Variants in PSD3 observed in about 807,000 individuals in gnomAD.
PSD3 encodes the protein PH and SEC7 domain-containing protein 3.
A neutral mutation model predicts 105.5 loss-of-function variants in PSD3; 49 were observed. That is an observed-to-expected ratio of 0.46 (90% CI 0.37 to 0.59). PSD3 has a LOEUF of 0.59. PSD3 is among the 20% of genes least tolerant of loss of function. The pLI is 0.00. For missense variants in PSD3, 1,561 were observed against 1,263.8 expected (o/e 1.24, Z -3.57); for synonymous variants, 557 against 457.8 (o/e 1.22, Z -2.77).
intron 9 of PSD3, among the ~76,000 whole-genome samples, chr8:18,754,266 C>G (rs1805842396): frequency 6.6e-6 from 1 of 151,902 alleles, no homozygotes; most frequent in Non-Finnish European, 1.5e-5. Flanking sequence ...TGCCTGTAAT[C>G]CCAACTACTC....
Position 18,527,469 on chromosome 8 carries a change from A to G in PSD3, c.*8274T>C, listed in dbSNP as rs1799470852. The G allele has an allele frequency of 6.6e-6, 1 of 152,624 alleles. No individual in the cohort carries two copies. Among genetic ancestry groups the G allele is most frequent in the Non-Finnish European group, 1.5e-5 (1 of 68,042 alleles). 9.5% of individuals were successfully genotyped at this position (152,624 alleles called of 1,614,324 possible). On this transcript the variant is annotated 3_prime_UTR_variant, in exon 16 of 16. Transcript: ENST00000327040. Reference sequence around the variant, plus strand: ...ACAACAAAATATCCCCAACTTATAAAAACACAGGAACAATTATATTCATAA... The same window carrying G: ...ACAACAAAATATCCCCAACTTATAAGAACACAGGAACAATTATATTCATAA...
chr8:18,934,719 G>C (rs530377382), intron 2 of PSD3, among the ~76,000 whole-genome samples: 1 of 152,258 alleles, frequency 6.6e-6, no homozygotes, highest in South Asian at 2.1e-4. Context: ...AAGTTGGATA[G>C]CTTTGCAAGG....
intron 12 of PSD3, among the ~76,000 whole-genome samples, chr8:18,584,327 A>G (rs1481419745): frequency 6.6e-6 from 1 of 152,198 alleles, no homozygotes; most frequent in African/African-American, 2.4e-5. Context: ...AGCTGGGTGA[A>G]GTCATAACAG....
chr8:18,799,642 C>T (rs1810509591), intron 7 of PSD3, among the ~76,000 whole-genome samples: 1 of 152,162 alleles, frequency 6.6e-6, no homozygotes, highest in African/African-American at 2.4e-5. Context: ...AAATCGGCTT[C>T]TAGGGCTTTG....
In PSD3 at chr8:18,808,939, C is replaced by T. The variant is rs867390479; in HGVS notation, c.1635-4041G>A. ...ACTACTATGACCTCACATTCTCAGCCGAGTGTTCATTGTTGCGGTTTCTGT... is the reference window on the plus strand; with the variant it reads ...ACTACTATGACCTCACATTCTCAGCTGAGTGTTCATTGTTGCGGTTTCTGT... On this transcript the variant is annotated intron_variant, in intron 4 of 15. Coordinates refer to ENST00000327040, the MANE Select transcript of PSD3 (RefSeq NM_015310.4). 1.3e-4 allele frequency: 194 copies of T among 1,458,508 alleles called. 1 individual carries two copies. Among genetic ancestry groups the T allele is most frequent in the Middle Eastern group, 4.6e-4 (2 of 4,308 alleles). The allele number at this position is 1,458,508 out of a possible 1,614,324, so 90.3% of individuals were successfully genotyped here. A position where few individuals can be genotyped will look rare whatever the true frequency, so the allele number is the denominator to read the frequency against.
chr8:18,684,847 T>G (rs1294264623), intron 9 of PSD3, among the ~76,000 whole-genome samples: 4 of 152,228 alleles, frequency 2.6e-5, no homozygotes, highest in South Asian at 2.1e-4. Context: ...GCCATCAATG[T>G]TCTGTCAGTG....
chr8:18,598,830 G>A (rs886393120), intron 12 of PSD3, among the ~76,000 whole-genome samples: 2 of 151,926 alleles, frequency 1.3e-5, no homozygotes, highest in Admixed American at 1.3e-4. Context: ...GAATAAACAT[G>A]ATCAAGAAGG....
At chr8:19,042,652 G>A (rs1359755270) in intron 1 of PSD3, among the ~76,000 whole-genome samples, 1 of 152,136 alleles carries the variant, frequency 6.6e-6, no homozygotes, top group East Asian at 1.9e-4. Context: ...TGTCTTGGTC[G>A]CTGAAATACA....
chr8:18,549,626 C>T (rs150125708), intron 15 of PSD3, among the ~76,000 whole-genome samples: 10 of 152,192 alleles, frequency 6.6e-5, no homozygotes, highest in East Asian at 1.9e-4. Flanking sequence ...TGCAGGGAGA[C>T]GACAACAGAA....
At chr8:18,539,428 T>C (rs1800026192) in intron 15 of PSD3, among the ~76,000 whole-genome samples, 1 of 152,226 alleles carries the variant, frequency 6.6e-6, no homozygotes. Context: ...CTTTCTTCCT[T>C]TCAGAGAAGA....
intron 1 of PSD3, among the ~76,000 whole-genome samples, chr8:18,972,234 G>A (rs888278267): frequency 6.6e-6 from 1 of 152,148 alleles, no homozygotes. Context: ...TGTACTTCCA[G>A]ATCCATTTGT....
chr8:18,583,499 T>G (rs1319573539), intron 12 of PSD3, among the ~76,000 whole-genome samples: 1 of 152,174 alleles, frequency 6.6e-6, no homozygotes, highest in African/African-American at 2.4e-5. Flanking sequence ...TGCTCTAAGA[T>G]AAAGTCTCAA....
intron 11 of PSD3, among the ~76,000 whole-genome samples, chr8:18,615,585 T>G (rs1805599096): frequency 6.6e-6 from 1 of 152,266 alleles, no homozygotes; most frequent in African/African-American, 2.4e-5. Context: ...TAAGTTCGTT[T>G]ATGTGAAAGG....
intron 1 of PSD3, among the ~76,000 whole-genome samples, chr8:18,967,344 G>A (rs12549523): frequency 0.12 from 17,800 of 151,840 alleles, 1,320 homozygotes; most frequent in Non-Finnish European, 0.17. Context: ...TAGTAGAGAC[G>A]GGGCTTCTCC....
intron 9 of PSD3, among the ~76,000 whole-genome samples, chr8:18,758,998 C>T (rs1409898851): frequency 6.6e-6 from 1 of 151,896 alleles, no homozygotes; most frequent in Non-Finnish European, 1.5e-5. Flanking sequence ...GTTTTTTTAT[C>T]ACTCCATTCA....
intron 2 of PSD3, among the ~76,000 whole-genome samples, chr8:18,912,978 C>G (rs1820335157): frequency 6.6e-6 from 1 of 151,728 alleles, no homozygotes; most frequent in African/African-American, 2.4e-5. Flanking sequence ...CCTAGAGCTA[C>G]TTAAGAAACG....
At chr8:18,839,597 A>G (rs1047059416) in intron 4 of PSD3, among the ~76,000 whole-genome samples, 1 of 152,184 alleles carries the variant, frequency 6.6e-6, no homozygotes, top group Non-Finnish European at 1.5e-5. Context: ...TGCAAATGTA[A>G]GCAGGAACCA....
intron 1 of PSD3, among the ~76,000 whole-genome samples, chr8:18,975,250 T>A (rs1451779326): frequency 6.6e-6 from 1 of 150,852 alleles, no homozygotes; most frequent in Non-Finnish European, 1.5e-5. Context: ...TGCAGAAAAA[T>A]AAAAATAAAA....
At chr8:18,740,661 C>A (rs182525011) in intron 9 of PSD3, among the ~76,000 whole-genome samples, 112 of 152,276 alleles carry the variant, frequency 7.4e-4, no homozygotes, top group Non-Finnish European at 1.4e-3. Flanking sequence ...TTTCTAATAA[C>A]CTGCTCATAT....
Sources: allele counts gnomAD v4.1 joint callset (sites outside exome capture counted in the v4.1 genomes callset), GRCh38; gene constraint gnomAD v4.1.1; transcripts MANE v1.5; gene names NCBI Gene and HGNC (gene_info 2026-07-23, HGNC 2026-07-21).